Variants in PILRB observed in about 807,000 individuals in gnomAD.
PILRB encodes the protein paired immunoglobulin-like type 2 receptor beta.
PILRB carries 21 observed loss-of-function variants against 20.5 expected under a neutral mutation model. The observed-to-expected ratio is 1.02, with a 90% confidence interval of 0.72 to 1.47. The LOEUF is 1.47. Ranked by LOEUF, PILRB falls within the 40% of genes most tolerant of loss-of-function variation. PILRB has a pLI of 0.00. For missense variants in PILRB, 253 were observed against 272.1 expected (o/e 0.93, Z 0.49); for synonymous variants, 133 against 115.1 (o/e 1.16, Z -0.99).
chr7:100,360,008 C>A (rs1790481622), intron 3 of PILRB, among the ~76,000 whole-genome samples: 1 of 151,930 alleles, frequency 6.6e-6, no homozygotes, highest in Admixed American at 6.5e-5. Flanking sequence ...GGTGACAGAA[C>A]AAGACTCTGT....
In PILRB at chr7:100,358,217, C is replaced by T; in HGVS notation, c.-86C>T. The T allele has an allele frequency of 6.5e-7, 1 of 1,532,272 alleles. No individual in the cohort carries two copies. 94.9% of individuals were successfully genotyped at this position (1,532,272 alleles called of 1,614,324 possible). A position where few individuals can be genotyped will look rare whatever the true frequency, so the allele number is the denominator to read the frequency against. ...TCACCCTGGCTCTCCCCACTCACCTCAGCCCTCAGGCAGCCCCTCCACAGG... is the reference window on the plus strand; with the variant it reads ...TCACCCTGGCTCTCCCCACTCACCTTAGCCCTCAGGCAGCCCCTCCACAGG... On this transcript the variant is annotated 5_prime_UTR_variant, in exon 1 of 4. Transcript: ENST00000609309.
chr7:100,366,853 T>C (rs1439412888), intron 3 of PILRB, among the ~76,000 whole-genome samples: 2 of 151,670 alleles, frequency 1.3e-5, no homozygotes, highest in African/African-American at 2.4e-5. Context: ...CAACAGAGGG[T>C]AGCAAGGTTT....
chr7:100,361,318 G>C (rs932116016), intron 3 of PILRB, among the ~76,000 whole-genome samples: 1 of 152,164 alleles, frequency 6.6e-6, no homozygotes, highest in African/African-American at 2.4e-5. Flanking sequence ...CACATTTCCA[G>C]TTCAAAAGAG....
chr7:100,359,503 G>A lies in PILRB; in HGVS notation c.621G>A (p.Leu207=), dbSNP rs1486694602. ...TCAAAACTGTCATTTTGGGACTGCT[G>A]TGCCTCCTCCTCCTGTGGTGGAGGA... ...AVLKTVILGL[L]CLLLLWWRRR... The change falls in exon 3 of 4, where the codon CTG becomes CTA. Residue 207 remains leucine, a synonymous_variant. Transcript: ENST00000609309. 4 of 1,609,382 alleles carry A rather than the reference G, an allele frequency of 2.5e-6. No individual in the cohort carries two copies. Among genetic ancestry groups the A allele is most frequent in the Non-Finnish European group, 3.4e-6 (4 of 1,177,496 alleles).
At chr7:100,366,257 G>A (rs1481524205) in intron 3 of PILRB, among the ~76,000 whole-genome samples, 2 of 152,092 alleles carry the variant, frequency 1.3e-5, no homozygotes, top group African/African-American at 4.8e-5. Flanking sequence ...CCCACCTTAG[G>A]TGTTAGGCTG....
At chr7:100,358,444 CTG>C in intron 1 of PILRB, 78 bp downstream of exon 1, 1 of 1,542,740 alleles carries the variant, frequency 6.5e-7, no homozygotes, top group Non-Finnish European at 8.8e-7. Flanking sequence ...GGCAGAACAT[CTG>C]GGGCAGGGGC....
At chr7:100,358,540 T>G (rs1437199056) in intron 1 of PILRB, 150 bp from the exon 2 acceptor site, 4 of 1,220,026 alleles carry the variant, frequency 3.3e-6, no homozygotes, top group Non-Finnish European at 4.6e-6. Flanking sequence ...CCCCCATGCC[T>G]GAAGAGTGGG....
chr7:100,362,781 T>G (rs536350721), intron 3 of PILRB, among the ~76,000 whole-genome samples: 1 of 152,054 alleles, frequency 6.6e-6, no homozygotes, highest in African/African-American at 2.4e-5. Context: ...AGTGCTGGCA[T>G]TGCAGGCTGA....
At chr7:100,364,545 A>C (rs1790621300) in intron 3 of PILRB, among the ~76,000 whole-genome samples, 1 of 152,216 alleles carries the variant, frequency 6.6e-6, no homozygotes, top group South Asian at 2.1e-4. Flanking sequence ...CTGCTCTTAC[A>C]CAAGAACGAT....
At chr7:100,365,196 C>T (rs1173772590) in intron 3 of PILRB, among the ~76,000 whole-genome samples, 3 of 152,054 alleles carry the variant, frequency 2.0e-5, no homozygotes, top group African/African-American at 7.2e-5. Context: ...GACGGGGTTT[C>T]ACCATGTTGG....
intron 3 of PILRB, among the ~76,000 whole-genome samples, chr7:100,365,882 C>G (rs1188212703): frequency 6.6e-6 from 1 of 151,318 alleles, no homozygotes; most frequent in African/African-American, 2.4e-5. Context: ...GTCTCACAAC[C>G]ATGTGAATAC....
intron 3 of PILRB, among the ~76,000 whole-genome samples, chr7:100,365,949 G>GTTTTT (rs769960565): frequency 7.8e-6 from 1 of 127,802 alleles, no homozygotes; most frequent in Non-Finnish European, 1.7e-5. Context: ...ATTCTAGGTG[G>GTTTTT]TTTTTTTTTT....
intron 3 of PILRB, among the ~76,000 whole-genome samples, chr7:100,363,128 T>A (rs1790578892): frequency 7.9e-6 from 1 of 126,384 alleles, no homozygotes; most frequent in African/African-American, 3.1e-5. Context: ...ACCCCATCTC[T>A]ACTTAAAAAA....
intron 3 of PILRB, among the ~76,000 whole-genome samples, chr7:100,360,864 G>T (rs1342359509): frequency 6.6e-6 from 1 of 152,222 alleles, no homozygotes; most frequent in African/African-American, 2.4e-5. Flanking sequence ...AACTACAGTA[G>T]ACAATAGAGG....
At chr7:100,366,540 G>A (rs538850526) in intron 3 of PILRB, among the ~76,000 whole-genome samples, 6 of 152,254 alleles carry the variant, frequency 3.9e-5, no homozygotes, top group African/African-American at 9.6e-5. Context: ...GCAGGGCACA[G>A]TGGGAGAGGC....
intron 3 of PILRB, among the ~76,000 whole-genome samples, chr7:100,366,827 C>T (rs182697372): frequency 9.9e-5 from 15 of 152,112 alleles, no homozygotes; most frequent in Non-Finnish European, 1.8e-4. Flanking sequence ...GCAGAGAGCT[C>T]AAGAGCGAAG....
At chr7:100,362,444 T>C (rs900547434) in intron 3 of PILRB, among the ~76,000 whole-genome samples, 2 of 151,676 alleles carry the variant, frequency 1.3e-5, no homozygotes, top group African/African-American at 4.8e-5. Context: ...ATTAGCAGAA[T>C]GAAGGACAAA....
rs1017217765 is a variant in PILRB, at chr7:100,358,366, G to A, written c.64G>A (p.Gly22Ser). The change falls in exon 1 of 4, where the codon GGT becomes AGT. Residue 22 changes from glycine (G) to serine (S), a missense_variant and splice_region_variant. Gly to Ser is a moderately conservative substitution (Grantham distance 56, BLOSUM62 0). Coordinates refer to ENST00000609309, the MANE Select transcript of PILRB (RefSeq NM_178238.4). Reference protein sequence around the residue: ...LLQPPAFLQPGGSTGSGPSYL... With the variant: ...LLQPPAFLQPSGSTGSGPSYL... ...GCAGCCGCCAGCATTTCTGCAGCCTGGTGAGTACCCAGGACCGCCCAGGTA... is the reference window on the plus strand; with the variant it reads ...GCAGCCGCCAGCATTTCTGCAGCCTAGTGAGTACCCAGGACCGCCCAGGTA... The A allele has an allele frequency of 5.0e-6, 8 of 1,612,174 alleles. No individual in the cohort carries two copies. The highest frequency in any genetic ancestry group is 1.7e-5 in the Admixed American group (1 of 60,004).
At chr7:100,361,024 C>G (rs969829891) in intron 3 of PILRB, among the ~76,000 whole-genome samples, 5 of 152,180 alleles carry the variant, frequency 3.3e-5, no homozygotes, top group South Asian at 2.1e-4. Context: ...CAAGCTCCCC[C>G]TCCTGGGTTC....
Sources: allele counts gnomAD v4.1 joint callset (sites outside exome capture counted in the v4.1 genomes callset), GRCh38; gene constraint gnomAD v4.1.1; transcripts MANE v1.5; gene names NCBI Gene and HGNC (gene_info 2026-07-23, HGNC 2026-07-21).